The following PLXNA2 variants were observed in gnomAD, a reference collection of about 807,000 sequenced individuals.
PLXNA2 encodes plexin-A2.
A neutral mutation model predicts 193.5 loss-of-function variants in PLXNA2; 91 were observed. The ratio of observed to expected loss-of-function variants is 0.47; its 90% CI spans 0.40 to 0.56. PLXNA2 has a LOEUF of 0.56. Among genes scored for constraint, PLXNA2 ranks in the 20% least tolerant of loss-of-function variants. The pLI is 0.00. For missense variants in PLXNA2, 1,995 were observed against 2,503.2 expected (o/e 0.80, Z 4.33); for synonymous variants, 997 against 1,027.3 (o/e 0.97, Z 0.56).
At position 208,170,645 on chromosome 1, in the gene PLXNA2, G is replaced by A. The variant is rs145595520; in HGVS notation, c.1372-28182C>T. 5.6e-4 allele frequency among the ~76,000 whole-genome samples: 86 copies of A among 152,328 alleles called. 2 individuals carry two copies. The East Asian group carries it at 0.014, about 26-fold the overall frequency. The stretch of plus-strand genomic sequence containing the variant: ...TGATCAAAGCCCAATAGGTTTCATG[G>A]TATGATTTCATGACCCCAGTGTTAT... On this transcript the variant is annotated intron_variant, in intron 3 of 31. Coordinates refer to ENST00000367033, the MANE Select transcript of PLXNA2 (RefSeq NM_025179.4).
intron 26 of PLXNA2, among the ~76,000 whole-genome samples, chr1:208,037,459 C>G: frequency 6.6e-6 from 1 of 152,240 alleles, no homozygotes; most frequent in East Asian, 1.9e-4. Flanking sequence ...GCCAGCCCCT[C>G]TACAGATCCT....
Position 208,044,598 on chromosome 1 carries a change from G to T in PLXNA2, c.3784C>A (p.Arg1262Ser), listed in dbSNP as rs375415301. ...GTGAGGTCATTTTCTCGAGACTTGCGCTTGTAGGCAATGAGGACGATGATG... is the reference window on the plus strand; with the variant it reads ...GTGAGGTCATTTTCTCGAGACTTGCTCTTGTAGGCAATGAGGACGATGATG... ...IVIIVLIAYK[R>S]KSRENDLTLK... Residue 1262 changes from arginine to serine, a missense_variant, in exon 20 of 32, where the codon CGC becomes AGC. This residue lies in a region of PLXNA2 where 1,291 missense variants were observed against 1,673.6 expected (regional missense o/e 0.77). Coordinates refer to ENST00000367033, the MANE Select transcript of PLXNA2 (RefSeq NM_025179.4). This position sits in a 1 kb window ranked among gnomAD's most constrained non-coding sequence, Gnocchi z 4.9. 6.2e-7 allele frequency: 1 copy of T among 1,614,086 alleles called. No individual in the cohort carries two copies. The highest frequency in any genetic ancestry group is 8.5e-7 in the Non-Finnish European group (1 of 1,180,004).
At chr1:208,050,699 T>A (rs368672444) in intron 17 of PLXNA2, among the ~76,000 whole-genome samples, 1 of 151,910 alleles carries the variant, frequency 6.6e-6, no homozygotes, top group Non-Finnish European at 1.5e-5. Context: ...TAGCCAAGCA[T>A]GCGCCTGTGG....
At position 208,026,271 on chromosome 1, in the gene PLXNA2, G is replaced by C. The variant is rs1379703009; in HGVS notation, c.*972C>G. 1 of 152,204 alleles carries C rather than the reference G, an allele frequency of 6.6e-6. No individual in the cohort carries two copies. The highest frequency in any genetic ancestry group is 1.5e-5 in the Non-Finnish European group (1 of 68,052). The allele number at this position is 152,204 out of a possible 1,614,324, so 9.4% of individuals were successfully genotyped here. A position where few individuals can be genotyped will look rare whatever the true frequency, so the allele number is the denominator to read the frequency against. ...GGATTGATATGAGGCAGGGCTGCCA[G>C]GTGTCTGGTCTGGGAGAGGCCCACC... On this transcript the variant is annotated 3_prime_UTR_variant, in exon 32 of 32. Coordinates refer to ENST00000367033, the MANE Select transcript of PLXNA2 (RefSeq NM_025179.4).
At chr1:208,171,258 T>C (rs1317203642) in intron 3 of PLXNA2, among the ~76,000 whole-genome samples, 1 of 152,180 alleles carries the variant, frequency 6.6e-6, no homozygotes, top group Non-Finnish European at 1.5e-5. Context: ...TTGAGCATGC[T>C]GGGGAAGGGC....
chr1:208,103,213 T>C lies in PLXNA2; in HGVS notation c.1541A>G (p.Tyr514Cys), dbSNP rs748891470. ...TRVPVESCEQ[Y>C]TTCGECLSSG... Reference sequence around the variant, plus strand: ...GCTCAGGCACTCCCCACAAGTCGTATACTGCTCACATGACTCCACGGGGAC... The same window carrying C: ...GCTCAGGCACTCCCCACAAGTCGTACACTGCTCACATGACTCCACGGGGAC... The change falls in exon 5 of 32, where the codon TAT (tyrosine) becomes TGT (cysteine). Residue 514 changes from tyrosine (Y) to cysteine (C), a missense_variant. Around this residue, in one of 3 missense-constraint regions of PLXNA2, gnomAD observed 702 missense variants for 812.9 expected, o/e 0.86. Transcript: ENST00000367033. 1 of 1,614,154 alleles carries C rather than the reference T, an allele frequency of 6.2e-7. No homozygotes were observed. The highest frequency in any genetic ancestry group is 1.1e-5 in the South Asian group (1 of 91,074).
chr1:208,092,054 A>C (rs1198006035), intron 9 of PLXNA2, among the ~76,000 whole-genome samples: 3 of 152,224 alleles, frequency 2.0e-5, no homozygotes, highest in African/African-American at 7.2e-5. Context: ...AAAGCTTTCG[A>C]CACAAGAAAG....
chr1:208,035,435 TC>T (rs1267960204), intron 26 of PLXNA2, among the ~76,000 whole-genome samples: 1 of 152,192 alleles, frequency 6.6e-6, no homozygotes, highest in Non-Finnish European at 1.5e-5. Context: ...GGGCAGCCAC[TC>T]TTGGGGACTG....
At chr1:208,035,939 A>G (rs1664658477) in intron 26 of PLXNA2, among the ~76,000 whole-genome samples, 1 of 152,220 alleles carries the variant, frequency 6.6e-6, no homozygotes, top group East Asian at 1.9e-4. Context: ...GTTTTTTAAC[A>G]TCTCTTTGTT....
intron 15 of PLXNA2, 133 bp from the exon 16 acceptor site, chr1:208,051,556 A>C: frequency 1.5e-6 from 1 of 655,874 alleles, no homozygotes; most frequent in African/African-American, 1.8e-5. Context: ...TATATTCTAC[A>C]ACAATGGAAC....
chr1:208,144,989 C>A (rs1277528485), intron 3 of PLXNA2, among the ~76,000 whole-genome samples: 1 of 152,078 alleles, frequency 6.6e-6, no homozygotes, highest in African/African-American at 2.4e-5. Flanking sequence ...TGGGAAAATG[C>A]CCCACAGTTA....
chr1:208,039,506 G>C, intron 24 of PLXNA2, 115 bp downstream of exon 24: 1 of 1,447,490 alleles, frequency 6.9e-7, no homozygotes, highest in Non-Finnish European at 9.5e-7. Context: ...GCTCACCCCA[G>C]ACCAGCCTCC....
Position 208,044,531 on chromosome 1 carries a change from C to A in PLXNA2, c.3851G>T (p.Arg1284Leu). 1 of 1,613,902 alleles carries A rather than the reference C, an allele frequency of 6.2e-7. No individual in the cohort carries two copies. Among genetic ancestry groups the A allele is most frequent in the African/African-American group, 1.3e-5 (1 of 75,026 alleles). Residue 1284 changes from arginine to leucine, a missense_variant, in exon 20 of 32, where the codon CGT (arginine) becomes CTT (leucine). By Grantham distance (102) the Arg-to-Leu change is moderately radical. Around this residue, in one of 3 missense-constraint regions of PLXNA2, gnomAD observed 1,291 missense variants for 1,673.6 expected, o/e 0.77. Transcript: ENST00000367033. The surrounding 1 kb of genome is among the most constrained non-coding windows in gnomAD (Gnocchi z 4.9). ...ACCTTCCTTGCACTCCAAGGCCACA[C>A]GGGACTCCAGATTGTCCATCTGCAT... ...LQMQMDNLES[R>L]VALECKEAFA...
intron 3 of PLXNA2, among the ~76,000 whole-genome samples, chr1:208,160,842 AC>A (rs1199289285): frequency 6.6e-6 from 1 of 152,240 alleles, no homozygotes; most frequent in Non-Finnish European, 1.5e-5. Context: ...ACTATAATAG[AC>A]TTTTACACGT....
rs935064020 is a variant in PLXNA2, at chr1:208,217,751, C to G, written c.172G>C (p.Gly58Arg). ...GCCCCCACATAGACGGCCCCCGTCC[C>G]TTGGTGGACGGTCAAGTGGTTGAAG... ...WTFNHLTVHQ[G>R]TGAVYVGAIN... Residue 58 changes from glycine to arginine, a missense_variant, in exon 2 of 32, where the codon GGG becomes CGG. Physicochemically the swap from Gly to Arg is moderately radical, Grantham distance 125. This residue lies in a region of PLXNA2 where 702 missense variants were observed against 812.9 expected (regional missense o/e 0.86). Transcript: ENST00000367033. The surrounding 1 kb of genome is among the most constrained non-coding windows in gnomAD (Gnocchi z 4.7). The G allele has an allele frequency of 6.2e-7, 1 of 1,614,206 alleles. No individual in the cohort carries two copies. The highest frequency in any genetic ancestry group is 2.2e-5 in the East Asian group (1 of 44,890).
At chr1:208,029,210 G>A in intron 29 of PLXNA2, 168 bp from the exon 30 acceptor site, 1 of 1,433,126 alleles carries the variant, frequency 7.0e-7, no homozygotes, top group Non-Finnish European at 9.1e-7. Context: ...AGCTGTTACT[G>A]ACCTGGGAGA....
intron 2 of PLXNA2, among the ~76,000 whole-genome samples, chr1:208,214,432 T>C (rs1242300785): frequency 6.6e-6 from 1 of 152,222 alleles, no homozygotes; most frequent in Non-Finnish European, 1.5e-5. Flanking sequence ...GGACTGATTT[T>C]TAATCCCCAT....
At chr1:208,118,883 C>T (rs75890303) in intron 4 of PLXNA2, among the ~76,000 whole-genome samples, 7,604 of 152,114 alleles carry the variant, frequency 0.05, 253 homozygotes, top group Non-Finnish European at 0.073. Flanking sequence ...ATTTTGGAGT[C>T]ATAACTGATG....
chr1:208,120,632 A>G (rs1667779536), intron 4 of PLXNA2, among the ~76,000 whole-genome samples: 1 of 152,172 alleles, frequency 6.6e-6, no homozygotes, highest in Non-Finnish European at 1.5e-5. Context: ...TTCAGCCCCT[A>G]CTTGCCCCTC....
Sources: allele counts gnomAD v4.1 joint callset (sites outside exome capture counted in the v4.1 genomes callset), GRCh38; gene constraint gnomAD v4.1.1; regional missense constraint gnomAD v4.1.1; non-coding constraint Gnocchi (gnomAD v3.1); transcripts MANE v1.5; gene names NCBI Gene and HGNC (gene_info 2026-07-23, HGNC 2026-07-21).